ZFR2: variants seen among roughly 807,000 people sequenced by gnomAD.
ZFR2 encodes zinc finger RNA-binding protein 2.
A neutral mutation model predicts 105.7 loss-of-function variants in ZFR2; 104 were observed. The observed-to-expected ratio is 0.98, with a 90% CI of 0.84 to 1.16. The LOEUF is 1.16. Ranked by LOEUF, ZFR2 falls within the 50% of genes most tolerant of loss-of-function variation. The pLI is 0.00. For missense variants in ZFR2, 1,425 were observed against 1,355.5 expected (o/e 1.05, Z -0.80); for synonymous variants, 634 against 597.7 (o/e 1.06, Z -0.89).
At chr19:3,855,268 A>G in intron 1 of ZFR2, 1 of 777,502 alleles carries the variant, frequency 1.3e-6, no homozygotes, top group Non-Finnish European at 1.7e-6. Flanking sequence ...AATCATTTGC[A>G]TTTTCAGAAC....
chr19:3,833,845 C>A lies in ZFR2; in HGVS notation c.265-67G>T, dbSNP rs1372976663. 6 of 1,238,488 alleles carry A rather than the reference C, an allele frequency of 4.8e-6. No homozygotes were observed. In the East Asian group the frequency reaches 1.5e-4, roughly 32 times the overall value. 76.7% of individuals were successfully genotyped at this position (1,238,488 alleles called of 1,614,324 possible). A position where few individuals can be genotyped will look rare whatever the true frequency, so the allele number is the denominator to read the frequency against. ...AGAGCAGCTCAGGCGGTGGGTGCGA[C>A]GCGCCCTGCCACACTGCACTCTGCA... On this transcript the variant is annotated intron_variant, in intron 2 of 18. Coordinates refer to ENST00000262961, the MANE Select transcript of ZFR2 (RefSeq NM_015174.2).
intron 1 of ZFR2, among the ~76,000 whole-genome samples, chr19:3,865,513 G>A (rs1012466024): frequency 3.3e-5 from 5 of 151,948 alleles, no homozygotes; most frequent in African/African-American, 7.3e-5. Context: ...ACCACATCTA[G>A]CTAATTGTTA....
rs2037874997 is a variant in ZFR2 at position 3,820,249 on chromosome 19, GCGTGGGGCGGCA to G, written c.1661_1672del (p.Val554_His557del). On this transcript the variant is annotated inframe_deletion, in exon 11 of 19. Coordinates refer to ENST00000262961, the MANE Select transcript of ZFR2 (RefSeq NM_015174.2). ...CAGAGGCTGGGCCCAGTCGGGCGGC[GCGTGGGGCGGCA>G]CGTCCTGGGGTGGCTCCTCCTCCAG... is the stretch of plus-strand genomic sequence containing the variant. The G allele has an allele frequency of 1.9e-6, 3 of 1,548,602 alleles. No individual in the cohort carries two copies. The highest frequency in any genetic ancestry group is 4.9e-5 in the East Asian group (2 of 40,902).
chr19:3,808,249 G>C (rs1343185396), intron 17 of ZFR2, among the ~76,000 whole-genome samples: 1 of 152,174 alleles, frequency 6.6e-6, no homozygotes, highest in African/African-American at 2.4e-5. Context: ...GTGTGTGCAA[G>C]TATGTGCGTG....
chr19:3,868,842 G>C, intron 1 of ZFR2, 123 bp downstream of exon 1: 1 of 847,500 alleles, frequency 1.2e-6, no homozygotes, highest in Non-Finnish European at 1.6e-6. Context: ...TCAGGCCGGG[G>C]TTCCAGGTTG....
chr19:3,806,114 T>A lies in ZFR2; in HGVS notation c.2655A>T (p.Arg885=). The change falls in exon 19 of 19, where the codon CGA becomes CGT. Residue 885 remains arginine, a synonymous_variant. Coordinates refer to ENST00000262961, the MANE Select transcript of ZFR2 (RefSeq NM_015174.2). Reference sequence around the variant, plus strand: ...TGTGGGTCTGCCGGAAGGCCAGCATTCGCAGGGCGTGCTGCGGGGCACACA... The same window carrying A: ...TGTGGGTCTGCCGGAAGGCCAGCATACGCAGGGCGTGCTGCGGGGCACACA... The part of the protein sequence containing the change: ...DVTASAQHAL[R]MLAFRQTHKV... 6.8e-7 allele frequency: 1 copy of A among 1,460,776 alleles called. No homozygotes were observed. The highest frequency in any genetic ancestry group is 9.0e-7 in the Non-Finnish European group (1 of 1,106,060). 90.5% of individuals were successfully genotyped at this position (1,460,776 alleles called of 1,614,324 possible).
intron 1 of ZFR2, among the ~76,000 whole-genome samples, chr19:3,840,066 T>G (rs2038119918): frequency 6.6e-6 from 1 of 152,068 alleles, no homozygotes; most frequent in Non-Finnish European, 1.5e-5. Context: ...CGGCAAACCT[T>G]GTCTGAAATG....
Position 3,823,530 on chromosome 19 carries a change from G to T in ZFR2, c.1214-127C>A. Reference sequence around the variant, plus strand: ...GCTGTGCCATCCCCCTCCCTCCTGTGATGTCAGGGGGAATGGCCCCGGACA... The same window carrying T: ...GCTGTGCCATCCCCCTCCCTCCTGTTATGTCAGGGGGAATGGCCCCGGACA... On this transcript the variant is annotated intron_variant, in intron 7 of 18. Transcript: ENST00000262961. This position sits in a 1 kb window ranked among gnomAD's most constrained non-coding sequence, Gnocchi z 5.4. 1 of 962,532 alleles carries T rather than the reference G, an allele frequency of 1.0e-6. No homozygotes were observed. Among genetic ancestry groups the T allele is most frequent in the Non-Finnish European group, 1.5e-6 (1 of 665,676 alleles). The allele number at this position is 962,532 out of a possible 1,614,324, so 59.6% of individuals were successfully genotyped here. A position where few individuals can be genotyped will look rare whatever the true frequency, so the allele number is the denominator to read the frequency against.
chr19:3,852,182 C>T (rs988313128), intron 1 of ZFR2: 5 of 449,730 alleles, frequency 1.1e-5, no homozygotes, highest in East Asian at 4.6e-5. Context: ...GGGTGGCTCT[C>T]CTGGCCAAGG....
At position 3,838,248 on chromosome 19, in the gene ZFR2, A is replaced by C. The variant is rs2038099489; in HGVS notation, c.54-3265T>G. On this transcript the variant is annotated intron_variant, in intron 1 of 18. Coordinates refer to ENST00000262961, the MANE Select transcript of ZFR2 (RefSeq NM_015174.2). The surrounding 1 kb of genome is among the most constrained non-coding windows in gnomAD (Gnocchi z 4.9). The stretch of plus-strand genomic sequence containing the variant: ...CCGTGACTACTGACATTTGATGAAC[A>C]CTGTGACTATGGACACTGAATGAAC... 6.6e-6 allele frequency among the ~76,000 whole-genome samples: 1 copy of C among 152,212 alleles called. No homozygotes were observed.
In ZFR2 at chr19:3,823,930, C is replaced by T. The variant is rs1263267668; in HGVS notation, c.1214-527G>A. Among the ~76,000 whole-genome samples, 1 of 152,162 alleles carries T rather than the reference C, an allele frequency of 6.6e-6. No homozygotes were observed. Among genetic ancestry groups the T allele is most frequent in the Non-Finnish European group, 1.5e-5 (1 of 68,038 alleles). ...CCAGGGCAGAGACTCTTAGACAGAC[C>T]CGGGTTCCAATTCCACCTCCACCGT... On this transcript the variant is annotated intron_variant, in intron 7 of 18. Coordinates refer to ENST00000262961, the MANE Select transcript of ZFR2 (RefSeq NM_015174.2). This position sits in a 1 kb window ranked among gnomAD's most constrained non-coding sequence, Gnocchi z 5.4.
Position 3,827,568 on chromosome 19 carries a change from C to T in ZFR2, c.938G>A (p.Arg313His), listed in dbSNP as rs764576476. 11 of 1,567,894 alleles carry T rather than the reference C, an allele frequency of 7.0e-6. No individual in the cohort carries two copies. Among genetic ancestry groups the T allele is most frequent in the South Asian group, 5.9e-5 (5 of 85,262 alleles). The change falls in exon 6 of 19, where the codon CGC becomes CAC. Residue 313 changes from arginine to histidine, a missense_variant. Coordinates refer to ENST00000262961, the MANE Select transcript of ZFR2 (RefSeq NM_015174.2). ...KTGVQPNGSP[R>H]GVQAQLHCDL... ...GCAATGCAGCTGCGCCTGCACCCCG[C>T]GCGGGCTCCCGTTGGGCTGCACGCC...
chr19:3,807,261 C>G lies in ZFR2; in HGVS notation c.2554G>C (p.Gly852Arg). 6.4e-7 allele frequency: 1 copy of G among 1,555,884 alleles called. No individual in the cohort carries two copies. The highest frequency in any genetic ancestry group is 8.7e-7 in the Non-Finnish European group (1 of 1,149,074). The change falls in exon 18 of 19, where the codon GGG (glycine) becomes CGG (arginine). Residue 852 changes from glycine (G) to arginine (R), a missense_variant. Gly to Arg is a moderately radical substitution (Grantham distance 125). Coordinates refer to ENST00000262961, the MANE Select transcript of ZFR2 (RefSeq NM_015174.2). ...TCTCTCTCGCAGGGATCCTGGAGCC[C>G]GGGCCCGTCTTTGTGACGGGGAGTG... ...ATGTLLTDGP[G>R]LQDPCERDQT...
Position 3,819,852 on chromosome 19 carries a change from C to CAAAAGAAAGAAAAAA in ZFR2, c.1740+329_1740+330insTTTTTTCTTTCTTTT, listed in dbSNP as rs373530026. 2.2e-5 allele frequency among the ~76,000 whole-genome samples: 3 copies of CAAAAGAAAGAAAAAA among 138,692 alleles called. No homozygotes were observed. In the East Asian group the frequency reaches 6.5e-4, roughly 30 times the overall value. The allele number at this position is 138,692 out of a possible 152,430, so 91.0% of individuals were successfully genotyped here. A position where few individuals can be genotyped will look rare whatever the true frequency, so the allele number is the denominator to read the frequency against. On this transcript the variant is annotated intron_variant, in intron 11 of 18. Transcript: ENST00000262961. ...TGGGCGACAGAGTGAGACTCTGTCT[C>CAAAAGAAAGAAAAAA]AAAAAAAAATAGTTCCCATCGAACC...
At position 3,811,261 on chromosome 19, in the gene ZFR2, G is replaced by A; in HGVS notation, c.2337+11C>T. On this transcript the variant is annotated intron_variant, in intron 15 of 18. Transcript: ENST00000262961. ...ACCCCTCTCCCCCTGCTCCACCCCT[G>A]CCCCCCTGACCTGAAACCACCTGGC... is the stretch of plus-strand genomic sequence containing the variant. The A allele has an allele frequency of 6.4e-7, 1 of 1,567,752 alleles. No homozygotes were observed. The highest frequency in any genetic ancestry group is 8.6e-7 in the Non-Finnish European group (1 of 1,158,080).
intron 14 of ZFR2, among the ~76,000 whole-genome samples, chr19:3,812,997 T>C (rs893460833): frequency 6.6e-6 from 1 of 152,138 alleles, no homozygotes; most frequent in African/African-American, 2.4e-5. Context: ...GGAGAATCGC[T>C]TGAACCCAGG....
intron 1 of ZFR2, among the ~76,000 whole-genome samples, chr19:3,850,093 C>A (rs1432706246): frequency 6.6e-6 from 1 of 152,164 alleles, no homozygotes; most frequent in Non-Finnish European, 1.5e-5. Flanking sequence ...AATGGAGTGC[C>A]TCTCCTACAC....
intron 1 of ZFR2, among the ~76,000 whole-genome samples, chr19:3,863,058 A>C (rs2038390440): frequency 6.6e-6 from 1 of 152,216 alleles, no homozygotes; most frequent in Non-Finnish European, 1.5e-5. Context: ...TCTCCAGGGC[A>C]GCCTGTGTTC....
chr19:3,853,901 C>T (rs2038269194), intron 1 of ZFR2, among the ~76,000 whole-genome samples: 4 of 151,970 alleles, frequency 2.6e-5, no homozygotes, highest in African/African-American at 7.2e-5. Context: ...CAGTGAGACC[C>T]CCGCCTCTAC....
Sources: allele counts gnomAD v4.1 joint callset (sites outside exome capture counted in the v4.1 genomes callset), GRCh38; gene constraint gnomAD v4.1.1; non-coding constraint Gnocchi (gnomAD v3.1); transcripts MANE v1.5; gene names NCBI Gene and HGNC (gene_info 2026-07-23, HGNC 2026-07-21).